The following WASF1 variants were observed in gnomAD, a reference collection of about 807,000 sequenced individuals.
WASF1 encodes WASP family member 1.
Under a neutral mutation model 50.5 loss-of-function variants are expected in WASF1, and 7 were observed. The ratio of observed to expected loss-of-function variants is 0.14; its 90% CI spans 0.08 to 0.26. The LOEUF is 0.26. Ranked by LOEUF, WASF1 falls within the 10% of genes least tolerant of loss-of-function variation. WASF1 has a pLI of 1.00. For synonymous variants in WASF1, 205 were observed against 244.0 expected (o/e 0.84, Z 1.49); for missense variants, 470 against 694.7 (o/e 0.68, Z 3.64).
At chr6:110,170,963 A>C (rs1776688390) in intron 2 of WASF1, among the ~76,000 whole-genome samples, 1 of 152,186 alleles carries the variant, frequency 6.6e-6, no homozygotes, top group South Asian at 2.1e-4. Flanking sequence ...TAAAACTACA[A>C]GGGGAAACAT....
At chr6:110,159,598 T>A (rs1439630197) in intron 3 of WASF1, among the ~76,000 whole-genome samples, 2 of 151,886 alleles carry the variant, frequency 1.3e-5, no homozygotes, top group African/African-American at 4.8e-5. Flanking sequence ...ATATCACTAT[T>A]CATGAGACAC....
At chr6:110,115,121 AC>A (rs370998941) in intron 4 of WASF1, among the ~76,000 whole-genome samples, 10 of 151,672 alleles carry the variant, frequency 6.6e-5, no homozygotes, top group East Asian at 3.9e-4. Flanking sequence ...AAAAAAAAAA[AC>A]AAAACAGAAA....
chr6:110,126,443 A>G (rs1265238583), intron 4 of WASF1, among the ~76,000 whole-genome samples: 1 of 152,230 alleles, frequency 6.6e-6, no homozygotes, highest in African/African-American at 2.4e-5. Flanking sequence ...TTCAAATGTA[A>G]CTTTTTATGT....
chr6:110,133,719 T>C (rs986908684), intron 3 of WASF1, among the ~76,000 whole-genome samples: 1 of 151,624 alleles, frequency 6.6e-6, no homozygotes, highest in African/African-American at 2.4e-5. Context: ...TAGACTACTT[T>C]CTGATGGGAT....
At chr6:110,121,340 G>GA (rs937359569) in intron 4 of WASF1, among the ~76,000 whole-genome samples, 35 of 151,260 alleles carry the variant, frequency 2.3e-4, no homozygotes, top group Non-Finnish European at 4.4e-4. Context: ...AAATTTATAA[G>GA]AAAAAAAACA....
rs534177324 is a variant in WASF1 at position 110,162,135 on chromosome 6, A to T, written c.-126-1403T>A. On this transcript the variant is annotated intron_variant, in intron 2 of 10. Coordinates refer to ENST00000392589, the MANE Select transcript of WASF1 (RefSeq NM_003931.3). ...AATGTACTTTTCAAAGAGTAAAAAT[A>T]ATACAAACATATCAAGTATTAATAC... is the stretch of plus-strand genomic sequence containing the variant. 1.6e-3 allele frequency among the ~76,000 whole-genome samples: 242 copies of T among 151,646 alleles called. 2 individuals are homozygous for T. The highest frequency in any genetic ancestry group is 5.7e-3 in the African/African-American group (236 of 41,474).
chr6:110,177,957 A>T (rs913904568), intron 2 of WASF1, among the ~76,000 whole-genome samples: 2 of 151,980 alleles, frequency 1.3e-5, no homozygotes, highest in Non-Finnish European at 2.9e-5. Flanking sequence ...AAAAAAAAAA[A>T]ATTTCATCCT....
intron 3 of WASF1, among the ~76,000 whole-genome samples, chr6:110,136,466 T>G (rs1433115659): frequency 6.6e-6 from 1 of 152,224 alleles, no homozygotes; most frequent in East Asian, 1.9e-4. Context: ...GAGTTTTGTC[T>G]ACTGGTCTAT....
intron 3 of WASF1, among the ~76,000 whole-genome samples, chr6:110,136,343 A>G (rs1487143032): frequency 6.6e-6 from 1 of 152,178 alleles, no homozygotes; most frequent in Non-Finnish European, 1.5e-5. Context: ...ATTTTTGTAA[A>G]CATTCCAGGG....
At chr6:110,149,752 G>C (rs985433218) in intron 3 of WASF1, among the ~76,000 whole-genome samples, 2 of 151,884 alleles carry the variant, frequency 1.3e-5, no homozygotes, top group Non-Finnish European at 2.9e-5. Context: ...AAGTTTCTGG[G>C]GTACATGGAT....
chr6:110,136,889 T>C (rs902002016), intron 3 of WASF1, among the ~76,000 whole-genome samples: 1 of 152,190 alleles, frequency 6.6e-6, no homozygotes, highest in Non-Finnish European at 1.5e-5. Flanking sequence ...CATTCCCTGA[T>C]CCCCCAGTCT....
chr6:110,121,561 T>C (rs919146590), intron 4 of WASF1, among the ~76,000 whole-genome samples: 1 of 152,104 alleles, frequency 6.6e-6, no homozygotes. Flanking sequence ...TGTGGAGAAA[T>C]AGGAACACTT....
chr6:110,159,979 C>T (rs1173000531), intron 3 of WASF1, among the ~76,000 whole-genome samples: 2 of 151,786 alleles, frequency 1.3e-5, no homozygotes, highest in Non-Finnish European at 2.9e-5. Context: ...AGAACAATGG[C>T]TTCAGCAATT....
intron 4 of WASF1, among the ~76,000 whole-genome samples, chr6:110,117,742 A>T (rs1773877272): frequency 6.6e-6 from 1 of 152,194 alleles, no homozygotes; most frequent in Non-Finnish European, 1.5e-5. Context: ...TGAAGGAAAA[A>T]ATGTTAAGGG....
At chr6:110,132,891 T>C (rs1393825907) in intron 3 of WASF1, among the ~76,000 whole-genome samples, 1 of 143,760 alleles carries the variant, frequency 7.0e-6, no homozygotes, top group Non-Finnish European at 1.5e-5. Flanking sequence ...GGCTGTGTAG[T>C]ATTCCATGGT....
At chr6:110,117,783 A>C (rs1376135034) in intron 4 of WASF1, among the ~76,000 whole-genome samples, 2 of 152,242 alleles carry the variant, frequency 1.3e-5, no homozygotes, top group Non-Finnish European at 2.9e-5. Flanking sequence ...GTTACCTACA[A>C]AGGGAAGCCC....
intron 2 of WASF1, among the ~76,000 whole-genome samples, chr6:110,164,494 T>C (rs996890681): frequency 6.6e-6 from 1 of 151,594 alleles, no homozygotes; most frequent in African/African-American, 2.4e-5. Context: ...CAGTAGGGAA[T>C]TGCAAATTAA....
At chr6:110,129,443 A>ACC (rs1774563434) in intron 3 of WASF1, among the ~76,000 whole-genome samples, 1 of 152,196 alleles carries the variant, frequency 6.6e-6, no homozygotes, top group African/African-American at 2.4e-5. Flanking sequence ...AGCCTGAGGA[A>ACC]CTTAGCGAAG....
chr6:110,113,203 T>C (rs1014293501), intron 5 of WASF1, 123 bp downstream of exon 5: 7 of 850,844 alleles, frequency 8.2e-6, no homozygotes, highest in Admixed American at 8.5e-5. Flanking sequence ...TATTACAATA[T>C]GTACACCAAA....
Sources: allele counts gnomAD v4.1 joint callset (sites outside exome capture counted in the v4.1 genomes callset), GRCh38; gene constraint gnomAD v4.1.1; transcripts MANE v1.5; gene names NCBI Gene and HGNC (gene_info 2026-07-23, HGNC 2026-07-21).